Variants in OR10G7 observed in about 807,000 individuals in gnomAD.
OR10G7 encodes olfactory receptor 10G7.
For missense variants in OR10G7, 338 were observed against 382.1 expected (o/e 0.88, Z 0.96); for synonymous variants, 165 against 167.4 (o/e 0.99, Z 0.11).
Position 124,037,974 on chromosome 11 carries a change from G to T in OR10G7, c.*92C>A. On this transcript the variant is annotated 3_prime_UTR_variant, in exon 2 of 2. Transcript: ENST00000641585. ...AATTAAAAATTAAGACTGAATAATT[G>T]AAATGCTCCATTCAAGTATAATGCT... 1.2e-6 allele frequency: 1 copy of T among 808,902 alleles called. No homozygotes were observed. The highest frequency in any genetic ancestry group is 1.9e-6 in the Non-Finnish European group (1 of 532,256). 50.1% of individuals were successfully genotyped at this position (808,902 alleles called of 1,614,324 possible).
chr11:124,039,036 A>G lies in OR10G7; in HGVS notation c.-20-15T>C. 1 of 1,592,804 alleles carries G rather than the reference A, an allele frequency of 6.3e-7. No individual in the cohort carries two copies. Among genetic ancestry groups the G allele is most frequent in the Non-Finnish European group, 8.6e-7 (1 of 1,166,244 alleles). On this transcript the variant is annotated splice_polypyrimidine_tract_variant and intron_variant, in intron 1 of 1. Transcript: ENST00000641585. The stretch of plus-strand genomic sequence containing the variant: ...TATATGGGGCTCTGTTCTTACAGAA[A>G]GGAAGGGAGATAGCATTTACTGTGA...
rs2137569017 is a variant in OR10G7, at chr11:124,036,945, G to C, written c.*1121C>G. ...TGCAAATCTGAGGAGTTTGAGAAAT[G>C]CTTTTCAGTTCTAGCAGCTGCCTTC... On this transcript the variant is annotated 3_prime_UTR_variant, in exon 2 of 2. Transcript: ENST00000641585. 1 of 152,308 alleles carries C rather than the reference G, an allele frequency of 6.6e-6. No homozygotes were observed. The highest frequency in any genetic ancestry group is 1.5e-5 in the Non-Finnish European group (1 of 68,018). The allele number at this position is 152,308 out of a possible 1,614,324, so 9.4% of individuals were successfully genotyped here. A position where few individuals can be genotyped will look rare whatever the true frequency, so the allele number is the denominator to read the frequency against.
In OR10G7 at chr11:124,036,696, A is replaced by G. The variant is rs1864194959; in HGVS notation, c.*1370T>C. On this transcript the variant is annotated 3_prime_UTR_variant, in exon 2 of 2. Coordinates refer to ENST00000641585, the MANE Select transcript of OR10G7 (RefSeq NM_001004463.2). ...ATGAGCTGAATTATATAATTGGTCCATAGCAATCTGGTTTCTTGGTGTGAA... is the reference window on the plus strand; with the variant it reads ...ATGAGCTGAATTATATAATTGGTCCGTAGCAATCTGGTTTCTTGGTGTGAA... 1 of 152,228 alleles carries G rather than the reference A, an allele frequency of 6.6e-6. No individual in the cohort carries two copies. The highest frequency in any genetic ancestry group is 1.9e-4 in the East Asian group (1 of 5,200). 9.4% of individuals were successfully genotyped at this position (152,228 alleles called of 1,614,324 possible).
chr11:124,038,098 TCAGC>T lies in OR10G7; in HGVS notation c.900_903del (p.Leu301LysfsTer12). ...CCCTGAGCAAATACTGACCCATTTT[TCAGC>T]TTCAACAGAGCTTTCTTTACCTCCT... On this transcript the variant is annotated frameshift_variant, in exon 2 of 2. Coordinates refer to ENST00000641585, the MANE Select transcript of OR10G7 (RefSeq NM_001004463.2). LOFTEE classifies it low-confidence loss of function (END_TRUNC). 6.2e-7 allele frequency: 1 copy of T among 1,613,070 alleles called. No homozygotes were observed. The highest frequency in any genetic ancestry group is 1.3e-5 in the African/African-American group (1 of 74,876).
At position 124,040,901 on chromosome 11, in the gene OR10G7, GT is replaced by G. The variant is rs1406955751; in HGVS notation, c.-37del. On this transcript the variant is annotated 5_prime_UTR_variant, in exon 1 of 2. The change creates a premature stop within an existing upstream ORF in the 5' untranslated region. Coordinates refer to ENST00000641585, the MANE Select transcript of OR10G7 (RefSeq NM_001004463.2). ...TGCTACTTACCAATTTTACAACTAG[GT>G]TTTGGATCATGAAGCAAAATTCAAT... 3 of 152,050 alleles carry G rather than the reference GT, an allele frequency of 2.0e-5. No homozygotes were observed. The highest frequency in any genetic ancestry group is 7.3e-5 in the African/African-American group (3 of 41,360). 9.4% of individuals were successfully genotyped at this position (152,050 alleles called of 1,614,324 possible).
rs1864192626 is a variant in OR10G7 at position 124,036,359 on chromosome 11, T to C, written c.*1707A>G. On this transcript the variant is annotated 3_prime_UTR_variant, in exon 2 of 2. Coordinates refer to ENST00000641585, the MANE Select transcript of OR10G7 (RefSeq NM_001004463.2). ...ATAGTATTTTGAATCCTTTAGCATC[T>C]TTCCAAGTCAAAACTAATAATGAAT... 1 of 152,234 alleles carries C rather than the reference T, an allele frequency of 6.6e-6. No individual in the cohort carries two copies. The highest frequency in any genetic ancestry group is 2.1e-4 in the South Asian group (1 of 4,834). The allele number at this position is 152,234 out of a possible 1,614,324, so 9.4% of individuals were successfully genotyped here. A position where few individuals can be genotyped will look rare whatever the true frequency, so the allele number is the denominator to read the frequency against.
In OR10G7 at chr11:124,037,204, T is replaced by G. The variant is rs1864199037; in HGVS notation, c.*862A>C. ...AAACGAATGTGACTTGCAGACATAG[T>G]CTAATTACATGGGAAATATTATCTA... On this transcript the variant is annotated 3_prime_UTR_variant, in exon 2 of 2. Transcript: ENST00000641585. 6.6e-6 allele frequency: 1 copy of G among 152,202 alleles called. No homozygotes were observed. Among genetic ancestry groups the G allele is most frequent in the Admixed American group, 6.5e-5 (1 of 15,282 alleles). 9.4% of individuals were successfully genotyped at this position (152,202 alleles called of 1,614,324 possible).
chr11:124,038,227 G>T lies in OR10G7; in HGVS notation c.775C>A (p.Leu259Met). 6.2e-7 allele frequency: 1 copy of T among 1,614,058 alleles called. No homozygotes were observed. Among genetic ancestry groups the T allele is most frequent in the Non-Finnish European group, 8.5e-7 (1 of 1,180,030 alleles). ...AAGGCGTCCCTGGAGCCTGGCCTCA[G>T]GTAAATGAAAAGACCAGGGCCAAAG... ...CFFGPGLFIY[L>M]RPGSRDALHG... Residue 259 changes from leucine to methionine, a missense_variant, in exon 2 of 2, where the codon CTG becomes ATG. Leu to Met is a conservative substitution (Grantham distance 15, BLOSUM62 2). Transcript: ENST00000641585.
Position 124,036,503 on chromosome 11 carries a change from A to G in OR10G7, c.*1563T>C, listed in dbSNP as rs1565596202. ...GAGACCTTGTCTATTGTTTTTGCGT[A>G]TCTACTGTTTAGCATGTGACTTAAC... On this transcript the variant is annotated 3_prime_UTR_variant, in exon 2 of 2. Transcript: ENST00000641585. 6.6e-6 allele frequency: 1 copy of G among 152,152 alleles called. No homozygotes were observed. Among genetic ancestry groups the G allele is most frequent in the Non-Finnish European group, 1.5e-5 (1 of 68,016 alleles). 9.4% of individuals were successfully genotyped at this position (152,152 alleles called of 1,614,324 possible). A position where few individuals can be genotyped will look rare whatever the true frequency, so the allele number is the denominator to read the frequency against.
rs892255552 is a variant in OR10G7 at position 124,041,310 on chromosome 11, A to C, written c.-445T>G. 1 of 152,106 alleles carries C rather than the reference A, an allele frequency of 6.6e-6. No individual in the cohort carries two copies. Among genetic ancestry groups the C allele is most frequent in the Non-Finnish European group, 1.5e-5 (1 of 68,030 alleles). The allele number at this position is 152,106 out of a possible 1,614,324, so 9.4% of individuals were successfully genotyped here. A position where few individuals can be genotyped will look rare whatever the true frequency, so the allele number is the denominator to read the frequency against. On this transcript the variant is annotated 5_prime_UTR_variant, in exon 1 of 2. Coordinates refer to ENST00000641585, the MANE Select transcript of OR10G7 (RefSeq NM_001004463.2). ...ATAGTAAATATGGGTTTTAGTTATA[A>C]AGGAGCTAATTATCTGAAGAGGTGC...
chr11:124,037,934 AT>A lies in OR10G7; in HGVS notation c.*131del, dbSNP rs1165711861. 7 of 631,724 alleles carry A rather than the reference AT, an allele frequency of 1.1e-5. No individual in the cohort carries two copies. The African/African-American group carries it at 1.3e-4, about 12-fold the overall frequency. 39.1% of individuals were successfully genotyped at this position (631,724 alleles called of 1,614,324 possible). ...AACACTCTGCAGAAAAAAATGAAAAATTAATTAACTGTCCAATTAAAAATTA... is the reference window on the plus strand; with the variant it reads ...AACACTCTGCAGAAAAAAATGAAAAATAATTAACTGTCCAATTAAAAATTA... On this transcript the variant is annotated 3_prime_UTR_variant, in exon 2 of 2. Coordinates refer to ENST00000641585, the MANE Select transcript of OR10G7 (RefSeq NM_001004463.2).
At chr11:124,040,377 C>CA (rs1195386742) in intron 1 of OR10G7, among the ~76,000 whole-genome samples, 9 of 151,946 alleles carry the variant, frequency 5.9e-5, no homozygotes, top group African/African-American at 1.5e-4. Context: ...AGCTCAGACT[C>CA]AAAGTTTTTC....
In OR10G7 at chr11:124,038,299, T is replaced by C. The variant is rs775046629; in HGVS notation, c.703A>G (p.Arg235Gly). ...TGGGAGGCACAGGTCTGAAAGGCTC[T>C]GTGCCTCCCCTCTGAGGTGCGGATC... ...LRIRTSEGRH[R>G]AFQTCASHCI... The change falls in exon 2 of 2, where the codon AGA (arginine) becomes GGA (glycine). Residue 235 changes from arginine (R) to glycine (G), a missense_variant. By Grantham distance (125) the Arg-to-Gly change is moderately radical. Transcript: ENST00000641585. 3.1e-5 allele frequency: 50 copies of C among 1,613,968 alleles called. No homozygotes were observed. The highest frequency in any genetic ancestry group is 4.0e-5 in the Non-Finnish European group (47 of 1,180,018).
rs1029651371 is a variant in OR10G7 at position 124,038,103 on chromosome 11, T to C, written c.899A>G (p.Lys300Arg). ...RNKEVKKALL[K>R]LKNGSVFAQG... ...AGCAAATACTGACCCATTTTTCAGCTTCAACAGAGCTTTCTTTACCTCCTT... is the reference window on the plus strand; with the variant it reads ...AGCAAATACTGACCCATTTTTCAGCCTCAACAGAGCTTTCTTTACCTCCTT... Residue 300 changes from lysine to arginine, a missense_variant, in exon 2 of 2, where the codon AAG (lysine) becomes AGG (arginine). Lys to Arg is a conservative substitution (Grantham distance 26). Transcript: ENST00000641585. 6.2e-7 allele frequency: 1 copy of C among 1,613,604 alleles called. No individual in the cohort carries two copies. Among genetic ancestry groups the C allele is most frequent in the African/African-American group, 1.3e-5 (1 of 74,944 alleles).
rs1864204929 is a variant in OR10G7, at chr11:124,037,956, A to G, written c.*110T>C. On this transcript the variant is annotated 3_prime_UTR_variant, in exon 2 of 2. Transcript: ENST00000641585. ...AAAATTAATTAACTGTCCAATTAAA[A>G]ATTAAGACTGAATAATTGAAATGCT... 1.4e-6 allele frequency: 1 copy of G among 732,320 alleles called. No homozygotes were observed. The highest frequency in any genetic ancestry group is 3.3e-5 in the Admixed American group (1 of 30,198). The allele number at this position is 732,320 out of a possible 1,614,324, so 45.4% of individuals were successfully genotyped here. A position where few individuals can be genotyped will look rare whatever the true frequency, so the allele number is the denominator to read the frequency against.
In OR10G7 at chr11:124,038,441, G is replaced by A; in HGVS notation, c.561C>T (p.Ala187=). Reference sequence around the variant, plus strand: ...TCTCGTTGGCTGAGGTGTCTGCACAGGCCAGTTTCAGGATGGGCGGTGCGT... The same window carrying A: ...TCTCGTTGGCTGAGGTGTCTGCACAAGCCAGTTTCAGGATGGGCGGTGCGT... ...FCDAPPILKL[A]CADTSANEMV... is the part of the protein sequence containing the mutation. The change falls in exon 2 of 2, where the codon GCC becomes GCT. Residue 187 remains alanine (A), a synonymous_variant. Transcript: ENST00000641585. 6.2e-7 allele frequency: 1 copy of A among 1,613,908 alleles called. No homozygotes were observed. The highest frequency in any genetic ancestry group is 1.7e-5 in the Admixed American group (1 of 60,012).
chr11:124,039,752 G>T (rs1370775358), intron 1 of OR10G7, among the ~76,000 whole-genome samples: 1 of 152,096 alleles, frequency 6.6e-6, no homozygotes, highest in Non-Finnish European at 1.5e-5. Flanking sequence ...GCCAGCAAGC[G>T]AGCATCACCA....
chr11:124,038,185 C>A lies in OR10G7; in HGVS notation c.817G>T (p.Val273Phe), dbSNP rs747047250. 11 of 1,614,020 alleles carry A rather than the reference C, an allele frequency of 6.8e-6. No individual in the cohort carries two copies. Among genetic ancestry groups the A allele is most frequent in the South Asian group, 1.1e-5 (1 of 91,078 alleles). ...AGAGGAGTCAGCGTGGTGTAGAAAA[C>A]GGCCACAACCCCATGCAAGGCGTCC... ...SRDALHGVVAVFYTTLTPLFN... is the reference protein window; with the variant it reads ...SRDALHGVVAFFYTTLTPLFN... The change falls in exon 2 of 2, where the codon GTT (valine) becomes TTT (phenylalanine). Residue 273 changes from valine (V) to phenylalanine (F), a missense_variant. By Grantham distance (50) the Val-to-Phe change is conservative. Transcript: ENST00000641585.
chr11:124,038,045 G>T lies in OR10G7; in HGVS notation c.*21C>A. ...ATTACAAATAAAAAAAGAAAAGTTA[G>T]CCATATATGGCCTTTCTTAACTATT... On this transcript the variant is annotated 3_prime_UTR_variant, in exon 2 of 2. Coordinates refer to ENST00000641585, the MANE Select transcript of OR10G7 (RefSeq NM_001004463.2). 4.7e-6 allele frequency: 7 copies of T among 1,495,896 alleles called. No homozygotes were observed. The highest frequency in any genetic ancestry group is 6.3e-6 in the Non-Finnish European group (7 of 1,107,672). 92.7% of individuals were successfully genotyped at this position (1,495,896 alleles called of 1,614,324 possible). A position where few individuals can be genotyped will look rare whatever the true frequency, so the allele number is the denominator to read the frequency against.
Sources: gnomAD v4.1 joint callset for allele counts (sites outside exome capture counted in the v4.1 genomes callset) on GRCh38, gnomAD v4.1.1 for gene constraint, MANE v1.5 for transcripts, NCBI Gene and HGNC (gene_info 2026-07-23, HGNC 2026-07-21) for gene names.